The following CMTM8 variants were observed in gnomAD, a reference collection of about 807,000 sequenced individuals.
CMTM8 encodes CKLF-like MARVEL transmembrane domain-containing protein 8.
CMTM8 carries 12 observed loss-of-function variants against 18.6 expected under a neutral mutation model. The observed-to-expected ratio is 0.65, with a 90% confidence interval of 0.41 to 1.05. CMTM8 has a LOEUF of 1.05. CMTM8 is among the 50% of genes least tolerant of loss of function. The pLI, the probability that CMTM8 is intolerant of heterozygous loss-of-function variation, is 0.00. For synonymous variants in CMTM8, 87 were observed against 90.6 expected, an observed-to-expected ratio of 0.96 and a Z score of 0.23; for missense variants, 217 against 227.2, an observed-to-expected ratio of 0.95 and a Z score of 0.29.
intron 1 of CMTM8, among the ~76,000 whole-genome samples, chr3:32,266,189 A>T (rs1166712368): frequency 4.0e-5 from 6 of 151,860 alleles, no homozygotes; most frequent in African/African-American, 1.5e-4. Context: ...GATGAATATC[A>T]ATGCAAAAAT....
rs550177258 is a variant in CMTM8, at chr3:32,274,063, A to C, written c.147+34944A>C. On this transcript the variant is annotated intron_variant, in intron 1 of 3. Coordinates refer to ENST00000307526, the MANE Select transcript of CMTM8 (RefSeq NM_178868.5). ...GGTGGCTCACATCTGTAATCCCAAC[A>C]CTTTGGGAGGCTGAGATAGGCGAAT... Among the ~76,000 whole-genome samples the C allele has an allele frequency of 6.1e-4, 93 of 152,180 alleles. No homozygotes were observed. The Middle Eastern group carries it at 0.01, about 17-fold the overall frequency.
chr3:32,270,879 A>T, intron 1 of CMTM8, among the ~76,000 whole-genome samples: 1 of 152,194 alleles, frequency 6.6e-6, no homozygotes, highest in East Asian at 1.9e-4. Context: ...TAATAAAAAA[A>T]TAATAATAAC....
chr3:32,339,491 G>A (rs1696452304), intron 1 of CMTM8, among the ~76,000 whole-genome samples: 1 of 152,116 alleles, frequency 6.6e-6, no homozygotes, highest in African/African-American at 2.4e-5. Flanking sequence ...ATCCTCCCAG[G>A]CAATCCAGAC....
intron 1 of CMTM8, among the ~76,000 whole-genome samples, chr3:32,275,781 C>T (rs948087327): frequency 6.6e-6 from 1 of 150,652 alleles, no homozygotes; most frequent in South Asian, 2.1e-4. Flanking sequence ...TCCAGAGTAA[C>T]TGGGATTACA....
At position 32,287,972 on chromosome 3, in the gene CMTM8, A is replaced by T. The variant is rs79035369; in HGVS notation, c.147+48853A>T. ...AGAGAGATGATCCGTTTATGGCTTTAAAAAAAAAGTATTTACAAAATCTTA... is the reference window on the plus strand; with the variant it reads ...AGAGAGATGATCCGTTTATGGCTTTTAAAAAAAAGTATTTACAAAATCTTA... On this transcript the variant is annotated intron_variant, in intron 1 of 3. Coordinates refer to ENST00000307526, the MANE Select transcript of CMTM8 (RefSeq NM_178868.5). 6.9e-3 allele frequency among the ~76,000 whole-genome samples: 1,048 copies of T among 151,688 alleles called. 11 individuals carry two copies. Among genetic ancestry groups the T allele is most frequent in the African/African-American group, 0.024 (982 of 41,338 alleles).
chr3:32,324,710 A>G (rs1696121596), intron 1 of CMTM8, among the ~76,000 whole-genome samples: 1 of 144,928 alleles, frequency 6.9e-6, no homozygotes, highest in South Asian at 2.1e-4. Flanking sequence ...ATTACCTACC[A>G]ACCCCCTGCA....
intron 1 of CMTM8, among the ~76,000 whole-genome samples, chr3:32,319,074 A>ATATATATATATATATATATTT: frequency 2.9e-4 from 9 of 31,530 alleles, no homozygotes; most frequent in Non-Finnish European, 4.1e-4. Flanking sequence ...ATATATATAT[A>ATATATATATATATATATATTT]TTTTTTTTTT....
At chr3:32,253,485 C>T (rs548862777) in intron 1 of CMTM8, among the ~76,000 whole-genome samples, 1 of 151,844 alleles carries the variant, frequency 6.6e-6, no homozygotes, top group East Asian at 1.9e-4. Context: ...GCTGGGATTA[C>T]AGTCGTCCGC....
intron 1 of CMTM8, among the ~76,000 whole-genome samples, chr3:32,297,124 C>T (rs945826959): frequency 2.0e-5 from 3 of 152,146 alleles, no homozygotes; most frequent in East Asian, 1.9e-4. Context: ...AGAAAGATTA[C>T]ATCATTTCCT....
At chr3:32,293,320 G>A (rs755185954) in intron 1 of CMTM8, among the ~76,000 whole-genome samples, 1 of 152,158 alleles carries the variant, frequency 6.6e-6, no homozygotes, top group Non-Finnish European at 1.5e-5. Flanking sequence ...GGAGGCTGAG[G>A]TGGGCAGATC....
chr3:32,314,067 G>A (rs533948915), intron 1 of CMTM8, among the ~76,000 whole-genome samples: 3 of 152,272 alleles, frequency 2.0e-5, no homozygotes, highest in Admixed American at 6.5e-5. Context: ...AGAAGCTGCC[G>A]AGGCTAGTTC....
At chr3:32,326,354 G>GC (rs977997221) in intron 1 of CMTM8, among the ~76,000 whole-genome samples, 5 of 152,036 alleles carry the variant, frequency 3.3e-5, no homozygotes, top group African/African-American at 1.2e-4. Flanking sequence ...CTCCAGGGTG[G>GC]CCCCAACCAC....
At chr3:32,261,498 C>A (rs984488096) in intron 1 of CMTM8, among the ~76,000 whole-genome samples, 1 of 152,120 alleles carries the variant, frequency 6.6e-6, no homozygotes, top group African/African-American at 2.4e-5. Flanking sequence ...TTATTCACCC[C>A]ATAGAGAGGG....
chr3:32,318,814 G>A (rs892811607), intron 1 of CMTM8, among the ~76,000 whole-genome samples: 12 of 150,902 alleles, frequency 8.0e-5, no homozygotes, highest in Admixed American at 4.6e-4. Context: ...TGATCCACCC[G>A]CCTCAGCCTC....
chr3:32,367,503 G>C (rs2125605990), intron 2 of CMTM8, among the ~76,000 whole-genome samples: 1 of 152,332 alleles, frequency 6.6e-6, no homozygotes, highest in African/African-American at 2.4e-5. Context: ...CTGCGGCTGA[G>C]GGCCAGGGGC....
chr3:32,297,083 TG>T (rs1227605286), intron 1 of CMTM8, among the ~76,000 whole-genome samples: 2 of 152,226 alleles, frequency 1.3e-5, no homozygotes, highest in African/African-American at 4.8e-5. Flanking sequence ...TGCAAAAAGA[TG>T]ATTTTAGAAA....
At chr3:32,299,608 T>C (rs1290688389) in intron 1 of CMTM8, among the ~76,000 whole-genome samples, 1 of 152,260 alleles carries the variant, frequency 6.6e-6, no homozygotes. Context: ...CTCATGCATT[T>C]ATCCTTTGAG....
chr3:32,250,189 A>G (rs1702094933), intron 1 of CMTM8, among the ~76,000 whole-genome samples: 1 of 152,218 alleles, frequency 6.6e-6, no homozygotes, highest in Non-Finnish European at 1.5e-5. Flanking sequence ...CATAAATATA[A>G]TGGTTTATTT....
intron 3 of CMTM8, 99 bp downstream of exon 3, chr3:32,368,087 T>A: frequency 1.2e-6 from 1 of 817,142 alleles, no homozygotes; most frequent in South Asian, 1.5e-5. Flanking sequence ...AAGCAGCGCT[T>A]GCAGTAGTGA....
Sources: gnomAD v4.1 joint callset for allele counts (sites outside exome capture counted in the v4.1 genomes callset) on GRCh38, gnomAD v4.1.1 for gene constraint, MANE v1.5 for transcripts, NCBI Gene and HGNC (gene_info 2026-07-23, HGNC 2026-07-21) for gene names.